The following LRPPRC variants were observed in gnomAD, a reference collection of about 807,000 sequenced individuals.
LRPPRC encodes the protein leucine-rich PPR motif-containing protein, mitochondrial.
A neutral mutation model predicts 180.3 loss-of-function variants in LRPPRC; 120 were observed. The observed-to-expected ratio is 0.67, with a 90% confidence interval of 0.57 to 0.77. The LOEUF (loss-of-function observed/expected upper bound fraction) is 0.77, where lower values mean the gene tolerates loss of function less well. LRPPRC is among the 30% of genes least tolerant of loss of function. LRPPRC has a pLI of 0.00. For missense variants in LRPPRC, 2,012 were observed against 1,657.2 expected (o/e 1.21, Z -3.72); for synonymous variants, 723 against 600.0 (o/e 1.21, Z -3.00).
intron 23 of LRPPRC, among the ~76,000 whole-genome samples, chr2:43,939,415 A>G (rs1159685176): frequency 6.6e-6 from 1 of 152,232 alleles, no homozygotes; most frequent in Non-Finnish European, 1.5e-5. Flanking sequence ...TTTATGTAAC[A>G]GGCTTCCTTA....
rs188746959 is a variant in LRPPRC, at chr2:43,930,349, T to C, written c.2736+3841A>G. 2.1e-3 allele frequency among the ~76,000 whole-genome samples: 314 copies of C among 152,278 alleles called. 1 individual carries two copies. Among genetic ancestry groups the C allele is most frequent in the Middle Eastern group, 6.8e-3 (2 of 294 alleles). Reference sequence around the variant, plus strand: ...ACGTAGGATGGTACAGAGGAACCAATAGAAAACAGAAACTCAGGGCCTGGT... The same window carrying C: ...ACGTAGGATGGTACAGAGGAACCAACAGAAAACAGAAACTCAGGGCCTGGT... On this transcript the variant is annotated intron_variant, in intron 25 of 37. Transcript: ENST00000260665.
At chr2:43,920,603 G>A (rs570296482) in intron 27 of LRPPRC, among the ~76,000 whole-genome samples, 4 of 151,622 alleles carry the variant, frequency 2.6e-5, no homozygotes, top group African/African-American at 7.3e-5. Context: ...AACTAATTAC[G>A]CTTTTTCTTC....
rs756633370 is a variant in LRPPRC, at chr2:43,925,148, G to C, written c.2815C>G (p.Leu939Val). Residue 939 changes from leucine to valine, a missense_variant, in exon 27 of 38, where the codon CTG (leucine) becomes GTG (valine). Coordinates refer to ENST00000260665, the MANE Select transcript of LRPPRC (RefSeq NM_133259.4). The part of the protein sequence containing the change: ...RCVANNQVET[L>V]EKLVELTQKL... ...TGTGTCAGCTCCACTAATTTTTCCA[G>C]AGTTTCAACCTTAAAAGTAAGATTA... 1.3e-6 allele frequency: 2 copies of C among 1,567,072 alleles called. No individual in the cohort carries two copies. Among genetic ancestry groups the C allele is most frequent in the Non-Finnish European group, 1.8e-6 (2 of 1,137,252 alleles).
intron 13 of LRPPRC, among the ~76,000 whole-genome samples, chr2:43,959,466 T>C (rs766423206): frequency 1.3e-5 from 2 of 152,352 alleles, no homozygotes; most frequent in Non-Finnish European, 2.9e-5. Context: ...GCTTAACTGT[T>C]AACATTTTAG....
intron 27 of LRPPRC, among the ~76,000 whole-genome samples, chr2:43,920,780 G>C (rs184265505): frequency 1.3e-5 from 2 of 152,194 alleles, no homozygotes; most frequent in East Asian, 1.9e-4. Context: ...TGGGAAGACA[G>C]GGAAGGTTTC....
At chr2:43,933,440 G>A (rs1572937642) in intron 25 of LRPPRC, among the ~76,000 whole-genome samples, 4 of 152,158 alleles carry the variant, frequency 2.6e-5, no homozygotes, top group Admixed American at 1.3e-4. Flanking sequence ...GATTACTGAT[G>A]TATTTATAAG....
In LRPPRC at chr2:43,934,883, G is replaced by A. The variant is rs756175493; in HGVS notation, c.2505-5C>T. On this transcript the variant is annotated splice_polypyrimidine_tract_variant and splice_region_variant and intron_variant, in intron 23 of 37. Coordinates refer to ENST00000260665, the MANE Select transcript of LRPPRC (RefSeq NM_133259.4). The stretch of plus-strand genomic sequence containing the variant: ...AGAGCAGTAGATAGGTCGCCCCTTA[G>A]AAACAAAAAAATTAGCAATGAATAA... 1 of 1,611,294 alleles carries A rather than the reference G, an allele frequency of 6.2e-7. No homozygotes were observed. Among genetic ancestry groups the A allele is most frequent in the South Asian group, 1.1e-5 (1 of 90,804 alleles).
At chr2:43,972,079 T>TA (rs1673843144) in intron 11 of LRPPRC, among the ~76,000 whole-genome samples, 1 of 152,162 alleles carries the variant, frequency 6.6e-6, no homozygotes, top group Non-Finnish European at 1.5e-5. Context: ...GTATAGTACT[T>TA]ACAAAAGCTG....
intron 35 of LRPPRC, 181 bp downstream of exon 35, chr2:43,896,453 T>G (rs1670690395): frequency 1.8e-6 from 1 of 554,882 alleles, no homozygotes; most frequent in Non-Finnish European, 3.3e-6. Flanking sequence ...TGAACTTGTT[T>G]TACATTTCCA....
rs571966959 is a variant in LRPPRC, at chr2:43,908,607, C to T, written c.3276-2827G>A. 3.6e-3 allele frequency among the ~76,000 whole-genome samples: 510 copies of T among 141,956 alleles called. 8 individuals are homozygous for T. Among genetic ancestry groups the T allele is most frequent in the Non-Finnish European group, 9.0e-4 (60 of 66,352 alleles). 93.1% of individuals were successfully genotyped at this position (141,956 alleles called of 152,430 possible). ...CGCAATCTTGGCTCACTGCAACCTC[C>T]GCCTCCCGGGTTCAAGCCGTTCTCC... On this transcript the variant is annotated intron_variant, in intron 30 of 37. Coordinates refer to ENST00000260665, the MANE Select transcript of LRPPRC (RefSeq NM_133259.4).
chr2:43,914,636 G>T (rs997821738), intron 29 of LRPPRC, among the ~76,000 whole-genome samples: 3 of 151,708 alleles, frequency 2.0e-5, no homozygotes, highest in African/African-American at 7.3e-5. Context: ...GCTGAGGCTG[G>T]AGAATCGCTT....
At chr2:43,965,546 G>T (rs1287918319) in intron 11 of LRPPRC, among the ~76,000 whole-genome samples, 1 of 152,084 alleles carries the variant, frequency 6.6e-6, no homozygotes, top group Admixed American at 6.6e-5. Context: ...CTTCTGCACG[G>T]TAAAGGAAAC....
intron 11 of LRPPRC, among the ~76,000 whole-genome samples, chr2:43,973,150 G>C (rs542964643): frequency 1.3e-5 from 2 of 152,246 alleles, no homozygotes; most frequent in Non-Finnish European, 2.9e-5. Flanking sequence ...CACAATAAAA[G>C]TTTTCCTGCC....
intron 11 of LRPPRC, among the ~76,000 whole-genome samples, 186 bp downstream of exon 11, chr2:43,973,421 G>A (rs530829896): frequency 1.3e-5 from 2 of 152,072 alleles, no homozygotes. Flanking sequence ...TCAGATGAAA[G>A]AAATCCATCA....
At position 43,946,156 on chromosome 2, in the gene LRPPRC, G is replaced by C; in HGVS notation, c.2167C>G (p.Arg723Gly). The C allele has an allele frequency of 1.9e-6, 3 of 1,611,842 alleles. No individual in the cohort carries two copies. Among genetic ancestry groups the C allele is most frequent in the Middle Eastern group, 1.7e-4 (1 of 6,052 alleles). ...GYAALINLCC[R>G]HDKVEDALNL... ...AAGGCATCTTCTACTTTATCATGTC[G>C]ACAGCATAAATTTATTAAAGCTGCA... Residue 723 changes from arginine (R) to glycine (G), a missense_variant, in exon 21 of 38, where the codon CGA (arginine) becomes GGA (glycine). Physicochemically the swap from Arg to Gly is moderately radical, Grantham distance 125. Transcript: ENST00000260665.
At chr2:43,930,342 G>A (rs1381256662) in intron 25 of LRPPRC, among the ~76,000 whole-genome samples, 1 of 152,092 alleles carries the variant, frequency 6.6e-6, no homozygotes, top group African/African-American at 2.4e-5. Flanking sequence ...TGGTACAGAG[G>A]AACCAATAGA....
At chr2:43,941,822 A>T (rs142178784) in intron 23 of LRPPRC, among the ~76,000 whole-genome samples, 2 of 146,214 alleles carry the variant, frequency 1.4e-5, no homozygotes, top group Non-Finnish European at 3.0e-5. Context: ...TGGAGACTGC[A>T]TTAGCAAAGT....
intron 16 of LRPPRC, 102 bp downstream of exon 16, chr2:43,949,500 C>G: frequency 1.2e-6 from 1 of 829,502 alleles, no homozygotes; most frequent in African/African-American, 1.7e-5. Context: ...TCAAATTCCA[C>G]TTTAAAAAAT....
intron 11 of LRPPRC, among the ~76,000 whole-genome samples, chr2:43,973,009 A>G (rs190930634): frequency 1.4e-4 from 21 of 152,358 alleles, no homozygotes; most frequent in Middle Eastern, 3.4e-3. Context: ...TTCAATTCTT[A>G]TTCATATCCT....
Sources: gnomAD v4.1 joint callset for allele counts (sites outside exome capture counted in the v4.1 genomes callset) on GRCh38, gnomAD v4.1.1 for gene constraint, MANE v1.5 for transcripts, NCBI Gene and HGNC (gene_info 2026-07-23, HGNC 2026-07-21) for gene names.